GABRB3: variants seen among roughly 807,000 people sequenced by gnomAD.
The protein encoded by GABRB3 is gamma-aminobutyric acid type A receptor subunit beta3.
Under a neutral mutation model 52.1 loss-of-function variants are expected in GABRB3, and 14 were observed. The observed-to-expected ratio is 0.27, with a 90% CI of 0.18 to 0.42. GABRB3 has a LOEUF of 0.42. Ranked by LOEUF, GABRB3 falls within the 10% of genes least tolerant of loss-of-function variation. The pLI, the probability that GABRB3 is intolerant of heterozygous loss-of-function variation, is 1.00. For synonymous variants in GABRB3, 260 were observed against 232.3 expected (o/e 1.12, Z -1.08); for missense variants, 307 against 609.1 (o/e 0.50, Z 5.22).
chr15:26,645,038 A>G (rs1464725406), intron 3 of GABRB3, among the ~76,000 whole-genome samples: 2 of 152,166 alleles, frequency 1.3e-5, no homozygotes, highest in African/African-American at 2.4e-5. Flanking sequence ...GCTTGAGGCA[A>G]TTGAGACCAG....
chr15:26,554,041 T>TTATATATATTTA (rs1555400774), intron 8 of GABRB3, among the ~76,000 whole-genome samples: 1 of 62,096 alleles, frequency 1.6e-5, no homozygotes, highest in Non-Finnish European at 3.2e-5. Context: ...ATATATTTAT[T>TTATATATATTTA]TATTTATATT....
At chr15:26,694,201 C>T (rs1341823123) in intron 3 of GABRB3, among the ~76,000 whole-genome samples, 1 of 152,134 alleles carries the variant, frequency 6.6e-6, no homozygotes, top group Non-Finnish European at 1.5e-5. Context: ...TTTACTAGAG[C>T]CTAACCAATA....
chr15:26,591,724 A>T (rs1457226869), intron 4 of GABRB3, among the ~76,000 whole-genome samples: 1 of 152,224 alleles, frequency 6.6e-6, no homozygotes, highest in Non-Finnish European at 1.5e-5. Flanking sequence ...CACTCCAACT[A>T]TCTGGATCTA....
chr15:26,625,984 C>T (rs752743223), intron 3 of GABRB3, among the ~76,000 whole-genome samples: 4 of 152,184 alleles, frequency 2.6e-5, no homozygotes, highest in Non-Finnish European at 5.9e-5. Context: ...ACAGATACTG[C>T]ATTTTTAACA....
intron 5 of GABRB3, 105 bp downstream of exon 5, chr15:26,583,227 C>A: frequency 1.2e-6 from 1 of 869,126 alleles, no homozygotes; most frequent in South Asian, 1.4e-5. Flanking sequence ...TCCCCTCTTT[C>A]TATGTCAAAA....
intron 3 of GABRB3, among the ~76,000 whole-genome samples, chr15:26,627,308 CAT>C (rs1181251554): frequency 6.6e-6 from 1 of 150,988 alleles, no homozygotes; most frequent in Non-Finnish European, 1.5e-5. Flanking sequence ...ATGTTGTTTT[CAT>C]GTCTGCTAAC....
At chr15:26,674,636 A>G (rs1888012228) in intron 3 of GABRB3, among the ~76,000 whole-genome samples, 1 of 152,170 alleles carries the variant, frequency 6.6e-6, no homozygotes, top group South Asian at 2.1e-4. Flanking sequence ...GATAAGATCT[A>G]TGAGGAAAAA....
intron 3 of GABRB3, among the ~76,000 whole-genome samples, chr15:26,692,752 T>C (rs1187068469): frequency 2.0e-5 from 3 of 152,172 alleles, no homozygotes; most frequent in Non-Finnish European, 4.4e-5. Context: ...ATCTTTTTCG[T>C]ATTATTTATA....
chr15:26,657,885 G>C (rs1792821003), intron 3 of GABRB3, among the ~76,000 whole-genome samples: 1 of 152,086 alleles, frequency 6.6e-6, no homozygotes, highest in Non-Finnish European at 1.5e-5. Flanking sequence ...AAACGAAGAA[G>C]ATAACAGCCC....
chr15:26,629,021 TC>T, intron 3 of GABRB3: 1 of 1,536,134 alleles, frequency 6.5e-7, no homozygotes, highest in South Asian at 1.2e-5. Flanking sequence ...CGAGGGAGTC[TC>T]CCGGTATCCC....
intron 3 of GABRB3, among the ~76,000 whole-genome samples, chr15:26,655,729 G>A (rs1475554579): frequency 1.3e-5 from 2 of 148,380 alleles, no homozygotes; most frequent in African/African-American, 2.5e-5. Context: ...GTGACACAGC[G>A]AGACTCTGTC....
chr15:26,723,202 A>G (rs1318530203), intron 3 of GABRB3, among the ~76,000 whole-genome samples: 1 of 152,240 alleles, frequency 6.6e-6, no homozygotes, highest in East Asian at 1.9e-4. Flanking sequence ...CTGTCAAACT[A>G]ATTTTATCAT....
At chr15:26,670,352 G>T (rs1336482492) in intron 3 of GABRB3, among the ~76,000 whole-genome samples, 1 of 152,206 alleles carries the variant, frequency 6.6e-6, no homozygotes. Flanking sequence ...GACAGACCCG[G>T]TCCAGGCACT....
At chr15:26,605,899 C>T (rs995646761) in intron 4 of GABRB3, among the ~76,000 whole-genome samples, 12 of 152,020 alleles carry the variant, frequency 7.9e-5, no homozygotes, top group Non-Finnish European at 1.5e-4. Flanking sequence ...ACAGGCTGTA[C>T]AGGAAATATT....
intron 4 of GABRB3, chr15:26,615,707 A>G (rs139382143): frequency 9.4e-7 from 1 of 1,059,716 alleles, no homozygotes; most frequent in Non-Finnish European, 1.2e-6. Flanking sequence ...AAGCCCACTG[A>G]TGCTGTTCCC....
intron 3 of GABRB3, among the ~76,000 whole-genome samples, chr15:26,713,380 C>G (rs1239507219): frequency 4.6e-5 from 7 of 151,982 alleles, no homozygotes; most frequent in Non-Finnish European, 8.8e-5. Flanking sequence ...GATGGACAGG[C>G]AGAGAGTGGA....
At chr15:26,674,399 T>TAA in intron 3 of GABRB3, among the ~76,000 whole-genome samples, 1 of 9,212 alleles carries the variant, frequency 1.1e-4, no homozygotes, top group African/African-American at 4.8e-4. Flanking sequence ...AGACTCAGTT[T>TAA]CAAAAAAAAA....
intron 3 of GABRB3, among the ~76,000 whole-genome samples, chr15:26,663,912 T>G (rs1887624640): frequency 6.6e-6 from 1 of 152,228 alleles, no homozygotes; most frequent in Non-Finnish European, 1.5e-5. Context: ...GATTAAGTTT[T>G]AACATATATG....
intron 4 of GABRB3, among the ~76,000 whole-genome samples, chr15:26,587,746 T>G (rs1179854875): frequency 1.3e-5 from 2 of 152,188 alleles, no homozygotes; most frequent in African/African-American, 4.8e-5. Flanking sequence ...CAAGGGCAGA[T>G]AGGCCACAGT....
Sources: gnomAD v4.1 joint callset for allele counts (sites outside exome capture counted in the v4.1 genomes callset) on GRCh38, gnomAD v4.1.1 for gene constraint, MANE v1.5 for transcripts, NCBI Gene and HGNC (gene_info 2026-07-23, HGNC 2026-07-21) for gene names.